ZNF385D: variants seen among roughly 807,000 people sequenced by gnomAD.
The protein encoded by ZNF385D is zinc finger protein 385D.
A neutral mutation model predicts 35.8 loss-of-function variants in ZNF385D; 15 were observed. That is an observed-to-expected ratio of 0.42 (90% CI 0.28 to 0.64). The LOEUF (loss-of-function observed/expected upper bound fraction) is 0.64, where lower values mean the gene tolerates loss of function less well. Among genes scored for constraint, ZNF385D ranks in the 30% least tolerant of loss-of-function variants. The pLI, the probability that ZNF385D is intolerant of heterozygous loss-of-function variation, is 0.23. For missense variants in ZNF385D, 474 were observed against 494.6 expected (o/e 0.96, Z 0.39); for synonymous variants, 212 against 186.8 (o/e 1.13, Z -1.10).
intron 3 of ZNF385D, among the ~76,000 whole-genome samples, chr3:21,900,899 G>A (rs1699375135): frequency 6.6e-6 from 1 of 152,048 alleles, no homozygotes; most frequent in Non-Finnish European, 1.5e-5. Flanking sequence ...TCATACAATA[G>A]CCCTCCCAGG....
intron 3 of ZNF385D, among the ~76,000 whole-genome samples, chr3:21,869,115 C>T (rs1011968414): frequency 5.9e-5 from 9 of 152,066 alleles, no homozygotes; most frequent in South Asian, 2.1e-4. Context: ...AACAATGTTT[C>T]GAGGGACCAA....
intron 1 of ZNF385D, among the ~76,000 whole-genome samples, chr3:21,730,867 G>A (rs945319525): frequency 6.6e-5 from 10 of 152,160 alleles, no homozygotes; most frequent in African/African-American, 1.2e-4. Context: ...TGCTTATTTT[G>A]GTCATGGCTG....
chr3:21,439,163 A>G (rs1396142242), intron 4 of ZNF385D, among the ~76,000 whole-genome samples: 2 of 152,002 alleles, frequency 1.3e-5, no homozygotes, highest in African/African-American at 4.8e-5. Context: ...ATGTATTTAT[A>G]AAGTAATTCC....
chr3:22,138,910 C>T (rs903005469), intron 3 of ZNF385D, among the ~76,000 whole-genome samples: 23 of 152,186 alleles, frequency 1.5e-4, no homozygotes, highest in African/African-American at 3.6e-4. Context: ...ATTTTTGCAA[C>T]CTACTCATCT....
At chr3:21,740,480 C>T (rs990447869) in intron 1 of ZNF385D, among the ~76,000 whole-genome samples, 1 of 152,078 alleles carries the variant, frequency 6.6e-6, no homozygotes, top group African/African-American at 2.4e-5. Context: ...TTACTGTGAT[C>T]CTGAATCAAC....
chr3:21,795,917 T>A (rs2072128572), intron 3 of ZNF385D, among the ~76,000 whole-genome samples: 1 of 152,206 alleles, frequency 6.6e-6, no homozygotes, highest in Non-Finnish European at 1.5e-5. Context: ...ATGTAAAAGC[T>A]AATAATTTGC....
At chr3:22,186,557 G>C (rs1352912033) in intron 2 of ZNF385D, among the ~76,000 whole-genome samples, 1 of 152,094 alleles carries the variant, frequency 6.6e-6, no homozygotes, top group African/African-American at 2.4e-5. Flanking sequence ...TACCTGTCCT[G>C]ATTTCATGAC....
intron 3 of ZNF385D, among the ~76,000 whole-genome samples, chr3:21,832,058 T>C (rs1440663156): frequency 7.3e-6 from 1 of 136,348 alleles, no homozygotes; most frequent in East Asian, 2.2e-4. Flanking sequence ...ACTCAATAAA[T>C]TTTCTAGACA....
At chr3:21,946,865 C>G (rs1352789316) in intron 3 of ZNF385D, among the ~76,000 whole-genome samples, 1 of 152,148 alleles carries the variant, frequency 6.6e-6, no homozygotes, top group Non-Finnish European at 1.5e-5. Context: ...AAAAAAATTA[C>G]TTTCTCATTT....
At chr3:22,178,831 T>C (rs1339587258) in intron 2 of ZNF385D, among the ~76,000 whole-genome samples, 3 of 152,236 alleles carry the variant, frequency 2.0e-5, no homozygotes, top group Non-Finnish European at 2.9e-5. Flanking sequence ...GCACCATTTA[T>C]TAAATAGGGA....
At chr3:21,529,743 T>A (rs1466735765) in intron 3 of ZNF385D, among the ~76,000 whole-genome samples, 2 of 152,204 alleles carry the variant, frequency 1.3e-5, no homozygotes, top group Admixed American at 6.5e-5. Flanking sequence ...TAAGTCTTAT[T>A]CTAGGTAAAA....
chr3:21,872,606 T>C (rs926292513), intron 3 of ZNF385D, among the ~76,000 whole-genome samples: 2 of 152,120 alleles, frequency 1.3e-5, no homozygotes, highest in African/African-American at 4.8e-5. Context: ...TGGTTACCAT[T>C]AGGTCAGTGA....
At chr3:21,458,817 G>T (rs943783783) in intron 4 of ZNF385D, among the ~76,000 whole-genome samples, 3 of 139,928 alleles carry the variant, frequency 2.1e-5, no homozygotes, top group Non-Finnish European at 4.7e-5. Context: ...TGCGGGGTGG[G>T]GGGGCGGGAC....
intron 3 of ZNF385D, among the ~76,000 whole-genome samples, chr3:22,027,703 G>A (rs964001239): frequency 5.3e-5 from 8 of 152,248 alleles, no homozygotes; most frequent in East Asian, 1.9e-4. Flanking sequence ...TCATCAAATA[G>A]AAGTGGTATA....
At chr3:22,270,098 T>C (rs1701097308) in intron 2 of ZNF385D, among the ~76,000 whole-genome samples, 1 of 151,852 alleles carries the variant, frequency 6.6e-6, no homozygotes, top group African/African-American at 2.4e-5. Context: ...TGAGCCCTAC[T>C]TTAGGGACCA....
intron 3 of ZNF385D, among the ~76,000 whole-genome samples, chr3:21,843,337 G>C (rs552062598): frequency 6.6e-6 from 1 of 151,882 alleles, no homozygotes; most frequent in African/African-American, 2.4e-5. Flanking sequence ...AGTCAAGAAG[G>C]TCACCAATGT....
intron 3 of ZNF385D, among the ~76,000 whole-genome samples, chr3:21,908,130 C>G (rs544526062): frequency 1.4e-5 from 2 of 139,262 alleles, no homozygotes; most frequent in African/African-American, 5.6e-5. Context: ...ATCTATCTAT[C>G]TATCTATCTA....
At chr3:21,453,308 G>C (rs1178051102) in intron 4 of ZNF385D, among the ~76,000 whole-genome samples, 1 of 151,886 alleles carries the variant, frequency 6.6e-6, no homozygotes, top group Non-Finnish European at 1.5e-5. Context: ...CTTGTATTAG[G>C]CAATGGTTTC....
In ZNF385D at chr3:22,074,543, T is replaced by C. The variant is rs891442260; in HGVS notation, c.325+94274A>G. Among the ~76,000 whole-genome samples, 4 of 152,058 alleles carry C rather than the reference T, an allele frequency of 2.6e-5. No homozygotes were observed. In the Admixed American group the frequency reaches 2.6e-4, roughly 10 times the overall value. ...GAAAATTATATAAGCAGCCTGAATG[T>C]TTCCCTTTTTAAAATTCCTGATTCA... On this transcript the variant is annotated intron_variant, in intron 3 of 5. Transcript: ENST00000494108.
Sources: gnomAD v4.1 joint callset for allele counts (sites outside exome capture counted in the v4.1 genomes callset) on GRCh38, gnomAD v4.1.1 for gene constraint, MANE v1.5 for transcripts, NCBI Gene and HGNC (gene_info 2026-07-23, HGNC 2026-07-21) for gene names.